SDK1: variants seen among roughly 807,000 people sequenced by gnomAD.
SDK1 encodes the protein protein sidekick-1.
SDK1 carries 157 observed loss-of-function variants against 245.5 expected under a neutral mutation model. The observed-to-expected ratio is 0.64, with a 90% CI of 0.56 to 0.73. SDK1 has a LOEUF of 0.73. SDK1 is among the 30% of genes least tolerant of loss of function. SDK1 has a pLI of 0.00. For synonymous variants in SDK1, 1,647 were observed against 1,278.5 expected, an observed-to-expected ratio of 1.29 and a Z score of -6.15; for missense variants, 3,583 against 3,002.3, an observed-to-expected ratio of 1.19 and a Z score of -4.52.
At chr7:4,007,545 G>A (rs570850323) in intron 14 of SDK1, among the ~76,000 whole-genome samples, 1 of 152,250 alleles carries the variant, frequency 6.6e-6, no homozygotes, top group South Asian at 2.1e-4. Flanking sequence ...TTCAATGTAT[G>A]TGATTTCATA....
chr7:3,606,663 C>G (rs1296066355), intron 1 of SDK1, among the ~76,000 whole-genome samples: 2 of 152,156 alleles, frequency 1.3e-5, no homozygotes, highest in Non-Finnish European at 2.9e-5. Flanking sequence ...TCATCAGCTG[C>G]TTCCCTTTCT....
At chr7:4,004,247 C>T (rs1236835193) in intron 14 of SDK1, among the ~76,000 whole-genome samples, 1 of 152,202 alleles carries the variant, frequency 6.6e-6, no homozygotes. Context: ...GGAGCTCAGC[C>T]AGTGGATAAC....
Position 3,984,469 on chromosome 7 carries a change from C to G in SDK1, c.1995-2717C>G, listed in dbSNP as rs917101140. ...AGACTTTTAGAATTTAGAATTCGATCAAACATAACCCCCTTGAGGTCATCA... is the reference window on the plus strand; with the variant it reads ...AGACTTTTAGAATTTAGAATTCGATGAAACATAACCCCCTTGAGGTCATCA... On this transcript the variant is annotated intron_variant, in intron 13 of 44. Coordinates refer to ENST00000404826, the MANE Select transcript of SDK1 (RefSeq NM_152744.4). Among the ~76,000 whole-genome samples, 6 of 152,314 alleles carry G rather than the reference C, an allele frequency of 3.9e-5. No individual in the cohort carries two copies. In the South Asian group the frequency reaches 6.2e-4, roughly 16 times the overall value.
intron 25 of SDK1, among the ~76,000 whole-genome samples, chr7:4,116,912 T>C (rs1562834783): frequency 6.6e-6 from 1 of 152,184 alleles, no homozygotes; most frequent in Non-Finnish European, 1.5e-5. Flanking sequence ...GTCCCTCGGC[T>C]CTCCTTCAGA....
At chr7:4,054,428 T>C (rs1375234936) in intron 19 of SDK1, among the ~76,000 whole-genome samples, 1 of 152,220 alleles carries the variant, frequency 6.6e-6, no homozygotes, top group African/African-American at 2.4e-5. Flanking sequence ...TTCTCCAGTT[T>C]TGTTTTTTTC....
chr7:3,393,822 T>G (rs1447883181), intron 1 of SDK1, among the ~76,000 whole-genome samples: 1 of 152,198 alleles, frequency 6.6e-6, no homozygotes, highest in African/African-American at 2.4e-5. Flanking sequence ...TATATCTGTT[T>G]CTTAAGGATT....
intron 1 of SDK1, among the ~76,000 whole-genome samples, chr7:3,369,295 C>A (rs534531342): frequency 1.3e-5 from 2 of 152,138 alleles, no homozygotes. Flanking sequence ...CCTGCCTCGG[C>A]CTCCCAAAGT....
At chr7:3,854,632 A>G (rs1432473509) in intron 5 of SDK1, among the ~76,000 whole-genome samples, 1 of 152,220 alleles carries the variant, frequency 6.6e-6, no homozygotes, top group Non-Finnish European at 1.5e-5. Flanking sequence ...CTACACTTGA[A>G]TGCCTTTGTT....
intron 43 of SDK1, among the ~76,000 whole-genome samples, chr7:4,242,121 A>G (rs548535366): frequency 1.5e-3 from 223 of 152,274 alleles, no homozygotes; most frequent in Non-Finnish European, 2.6e-3. Context: ...AAATATTTTC[A>G]GGACATCTCC....
intron 17 of SDK1, among the ~76,000 whole-genome samples, chr7:4,022,535 G>A (rs1786982956): frequency 6.6e-6 from 1 of 152,158 alleles, no homozygotes; most frequent in Non-Finnish European, 1.5e-5. Context: ...CTGGGCTGAG[G>A]GAGGGAAGGG....
At chr7:3,592,354 C>T (rs1360940641) in intron 1 of SDK1, among the ~76,000 whole-genome samples, 1 of 152,196 alleles carries the variant, frequency 6.6e-6, no homozygotes, top group African/African-American at 2.4e-5. Flanking sequence ...AACAGAATCC[C>T]TGCAAAATGA....
At chr7:3,939,658 C>G (rs991738049) in intron 5 of SDK1, among the ~76,000 whole-genome samples, 2 of 152,054 alleles carry the variant, frequency 1.3e-5, no homozygotes, top group Non-Finnish European at 2.9e-5. Flanking sequence ...TATCTGGGTT[C>G]TTGGAGATAT....
intron 11 of SDK1, among the ~76,000 whole-genome samples, chr7:3,970,498 A>C (rs1180026807): frequency 6.6e-6 from 1 of 152,188 alleles, no homozygotes; most frequent in East Asian, 1.9e-4. Flanking sequence ...TAACCCATTT[A>C]TGCCTGAGGT....
At chr7:4,144,455 C>T (rs1233215285) in intron 28 of SDK1, among the ~76,000 whole-genome samples, 3 of 40,366 alleles carry the variant, frequency 7.4e-5, no homozygotes, top group South Asian at 6.1e-4. Flanking sequence ...GCGGTGATGA[C>T]GGTGCTGATG....
chr7:4,050,652 T>C (rs1319715514), intron 18 of SDK1, among the ~76,000 whole-genome samples: 1 of 152,160 alleles, frequency 6.6e-6, no homozygotes, highest in Non-Finnish European at 1.5e-5. Context: ...TCTTTAAAAT[T>C]GTAAGCAGTC....
chr7:4,046,183 C>T (rs563862620), intron 17 of SDK1, among the ~76,000 whole-genome samples: 2 of 152,032 alleles, frequency 1.3e-5, no homozygotes, highest in East Asian at 3.9e-4. Flanking sequence ...CTCAAGCGAT[C>T]CTCCTACCTC....
At chr7:3,605,223 G>A (rs935092628) in intron 1 of SDK1, among the ~76,000 whole-genome samples, 1 of 151,900 alleles carries the variant, frequency 6.6e-6, no homozygotes, top group Non-Finnish European at 1.5e-5. Flanking sequence ...TTTGGCATTT[G>A]AAAGAACAGT....
intron 7 of SDK1, among the ~76,000 whole-genome samples, chr7:3,955,761 GTGT>G (rs1282728430): frequency 5.3e-5 from 8 of 152,210 alleles, no homozygotes; most frequent in African/African-American, 1.7e-4. Context: ...AAAATGCATG[GTGT>G]TGTTGGGGGG....
intron 5 of SDK1, among the ~76,000 whole-genome samples, chr7:3,937,110 C>A (rs926145453): frequency 9.9e-5 from 15 of 152,116 alleles, no homozygotes; most frequent in Non-Finnish European, 1.5e-4. Context: ...CAGTTCTCAA[C>A]AAGACTGCAC....
Sources: allele counts gnomAD v4.1 joint callset (sites outside exome capture counted in the v4.1 genomes callset), GRCh38; gene constraint gnomAD v4.1.1; transcripts MANE v1.5; gene names NCBI Gene and HGNC (gene_info 2026-07-23, HGNC 2026-07-21).